SV2C: variants seen among roughly 807,000 people sequenced by gnomAD.
SV2C encodes solute carrier family 22 member B3.
In SV2C, 49 loss-of-function variants were observed where a neutral mutation model predicts 79.7. The observed-to-expected ratio is 0.61, with a 90% CI of 0.49 to 0.78. The LOEUF is 0.78. Among genes scored for constraint, SV2C ranks in the 30% least tolerant of loss-of-function variants. SV2C has a pLI of 0.00. For missense variants in SV2C, 833 were observed against 912.9 expected (o/e 0.91, Z 1.13); for synonymous variants, 334 against 333.2 (o/e 1.00, Z -0.03).
chr5:76,056,202 G>A, the SV2C span, among the ~76,000 whole-genome samples: 1 of 152,104 alleles, frequency 6.6e-6, no homozygotes, highest in South Asian at 2.1e-4. Context: ...TTAACATGAA[G>A]GGCTGTTGAA....
intron 12 of SV2C, among the ~76,000 whole-genome samples, chr5:76,313,451 G>A (rs1748524855): frequency 6.6e-6 from 1 of 152,148 alleles, no homozygotes; most frequent in Admixed American, 6.5e-5. Flanking sequence ...GGGAATATAT[G>A]CTTCCTGCTC....
At chr5:75,890,680 G>T in the SV2C span, among the ~76,000 whole-genome samples, 1 of 152,076 alleles carries the variant, frequency 6.6e-6, no homozygotes. Flanking sequence ...CCCATTGCGA[G>T]GCTCCTGTGA....
At chr5:76,264,033 A>C (rs748699894) in intron 4 of SV2C, among the ~76,000 whole-genome samples, 2 of 152,188 alleles carry the variant, frequency 1.3e-5, no homozygotes, top group Non-Finnish European at 2.9e-5. Flanking sequence ...GTGTTTTTCA[A>C]CTTGGTTCCC....
chr5:76,290,569 A>C (rs909273068), intron 6 of SV2C, among the ~76,000 whole-genome samples: 2 of 152,140 alleles, frequency 1.3e-5, no homozygotes, highest in African/African-American at 4.8e-5. Flanking sequence ...AAAAGAGGCT[A>C]ACTGAGTCAT....
At chr5:76,207,444 T>C (rs757351112) in intron 3 of SV2C, among the ~76,000 whole-genome samples, 6 of 152,352 alleles carry the variant, frequency 3.9e-5, no homozygotes, top group Middle Eastern at 3.4e-3. Flanking sequence ...ATTAAATTAT[T>C]TGTGACACAG....
intron 4 of SV2C, among the ~76,000 whole-genome samples, chr5:76,218,233 T>C (rs988703752): frequency 6.6e-6 from 1 of 152,200 alleles, no homozygotes; most frequent in African/African-American, 2.4e-5. Context: ...CTAATACAAT[T>C]GCTGTACGAT....
intron 12 of SV2C, among the ~76,000 whole-genome samples, chr5:76,351,012 C>A (rs1472909010): frequency 4.5e-4 from 62 of 136,520 alleles, no homozygotes; most frequent in African/African-American, 5.1e-4. Context: ...GACTCCATCT[C>A]AAAAAAAAAA....
the SV2C span, among the ~76,000 whole-genome samples, chr5:75,903,651 A>T: frequency 6.6e-6 from 1 of 152,208 alleles, no homozygotes; most frequent in Admixed American, 6.5e-5. Flanking sequence ...ACCACCAACG[A>T]TGAAGATGAT....
chr5:76,104,305 A>G (rs1484418915), intron 1 of SV2C, among the ~76,000 whole-genome samples: 1 of 152,226 alleles, frequency 6.6e-6, no homozygotes, highest in Non-Finnish European at 1.5e-5. Flanking sequence ...AATTTCCTCA[A>G]CTTATTTGAT....
At chr5:76,226,011 C>T (rs539575832) in intron 4 of SV2C, among the ~76,000 whole-genome samples, 4 of 152,296 alleles carry the variant, frequency 2.6e-5, no homozygotes, top group East Asian at 3.9e-4. Flanking sequence ...AGATGAAAAT[C>T]CTTGCTTCTC....
chr5:75,921,654 G>T, the SV2C span: 1 of 718,504 alleles, frequency 1.4e-6, no homozygotes, highest in South Asian at 1.4e-5. Flanking sequence ...TGGCCAATGC[G>T]GGGGCCCCCT....
chr5:76,059,775 T>A, the SV2C span, among the ~76,000 whole-genome samples: 2 of 152,130 alleles, frequency 1.3e-5, no homozygotes, highest in Admixed American at 1.3e-4. Flanking sequence ...AAAAATTCTT[T>A]CCACAAGATT....
At chr5:76,111,848 C>T (rs1422355200) in intron 1 of SV2C, among the ~76,000 whole-genome samples, 1 of 152,216 alleles carries the variant, frequency 6.6e-6, no homozygotes, top group Non-Finnish European at 1.5e-5. Flanking sequence ...TGATATTTGT[C>T]ATCCCTGGTT....
the SV2C span, among the ~76,000 whole-genome samples, chr5:75,951,876 C>A: frequency 1.3e-5 from 2 of 152,002 alleles, no homozygotes; most frequent in Admixed American, 6.6e-5. Context: ...CCTTATTCAG[C>A]ATTATGGTAT....
At chr5:76,135,163 G>C (rs1276441866) in intron 2 of SV2C, among the ~76,000 whole-genome samples, 1 of 152,198 alleles carries the variant, frequency 6.6e-6, no homozygotes. Context: ...GGGAGGAGGG[G>C]ACCAATTAAT....
intron 4 of SV2C, among the ~76,000 whole-genome samples, chr5:76,265,923 A>G (rs1057396861): frequency 1.3e-5 from 2 of 152,150 alleles, no homozygotes; most frequent in African/African-American, 4.8e-5. Context: ...CTATTTGGCC[A>G]TCTTGCCAGA....
chr5:75,888,950 C>T, the SV2C span, among the ~76,000 whole-genome samples: 4 of 152,010 alleles, frequency 2.6e-5, no homozygotes, highest in African/African-American at 9.7e-5. Flanking sequence ...AGGATGTCAG[C>T]AGGGTTGTTT....
At chr5:76,066,002 A>G in the SV2C span, among the ~76,000 whole-genome samples, 2 of 152,270 alleles carry the variant, frequency 1.3e-5, no homozygotes, top group South Asian at 4.1e-4. Flanking sequence ...GCACCAGTTT[A>G]AACCACTTTC....
chr5:76,299,024 G>A lies in SV2C; in HGVS notation c.1636+97G>A, dbSNP rs549750417. The A allele has an allele frequency of 2.3e-5, 31 of 1,352,292 alleles. No homozygotes were observed. In the South Asian group the frequency reaches 5.0e-4, roughly 22 times the overall value. 83.8% of individuals were successfully genotyped at this position (1,352,292 alleles called of 1,614,324 possible). On this transcript the variant is annotated intron_variant, in intron 10 of 12. Coordinates refer to ENST00000502798, the MANE Select transcript of SV2C (RefSeq NM_014979.4). ...ATGTGGGCAGAGGCTTATGCGGGAA[G>A]TGGATATTAAAGAATAAATGGAACA... is the stretch of plus-strand genomic sequence containing the variant.
Sources: gnomAD v4.1 joint callset for allele counts (sites outside exome capture counted in the v4.1 genomes callset) on GRCh38, gnomAD v4.1.1 for gene constraint, MANE v1.5 for transcripts, NCBI Gene and HGNC (gene_info 2026-07-23, HGNC 2026-07-21) for gene names.